ACKR2: variants seen among roughly 807,000 people sequenced by gnomAD.
ACKR2 encodes C-C chemokine receptor D6.
For missense variants in ACKR2, 457 were observed against 477.3 expected, an observed-to-expected ratio of 0.96 and a Z score of 0.40; for synonymous variants, 207 against 192.2, an observed-to-expected ratio of 1.08 and a Z score of -0.64.
At chr3:42,847,672 G>A (rs1701111945) in intron 2 of ACKR2, among the ~76,000 whole-genome samples, 1 of 151,370 alleles carries the variant, frequency 6.6e-6, no homozygotes, top group African/African-American at 2.4e-5. Flanking sequence ...AAACCAGGCT[G>A]TCAAGAGCTG....
intron 1 of ACKR2, among the ~76,000 whole-genome samples, chr3:42,810,434 G>C (rs6769061): frequency 1.3e-5 from 2 of 151,792 alleles, no homozygotes; most frequent in African/African-American, 4.9e-5. Context: ...CTCCTTTTTC[G>C]CCTTTTTTCC....
chr3:42,816,915 G>GA (rs562712299), intron 1 of ACKR2, among the ~76,000 whole-genome samples: 7 of 151,428 alleles, frequency 4.6e-5, no homozygotes, highest in African/African-American at 1.5e-4. Context: ...AAGTACTAAT[G>GA]AAAAAAAAAT....
intron 2 of ACKR2, among the ~76,000 whole-genome samples, chr3:42,840,259 CAAAAAA>C (rs34830187): frequency 2.3e-4 from 8 of 34,672 alleles, no homozygotes; most frequent in Non-Finnish European, 3.7e-4. Flanking sequence ...GACTCCGTCT[CAAAAAA>C]AAAAAAAAAA....
At chr3:42,831,609 C>T (rs1268875008) in intron 2 of ACKR2, among the ~76,000 whole-genome samples, 1 of 152,184 alleles carries the variant, frequency 6.6e-6, no homozygotes, top group Non-Finnish European at 1.5e-5. Flanking sequence ...AACATCTGTG[C>T]CATCCAGTAG....
At chr3:42,860,697 G>A (rs1349708430) in intron 2 of ACKR2, among the ~76,000 whole-genome samples, 1 of 152,194 alleles carries the variant, frequency 6.6e-6, no homozygotes, top group African/African-American at 2.4e-5. Flanking sequence ...TAGAGTTCAA[G>A]ATTAAGAAAC....
chr3:42,816,320 A>C (rs1700750184), intron 1 of ACKR2, among the ~76,000 whole-genome samples: 1 of 152,118 alleles, frequency 6.6e-6, no homozygotes, highest in Non-Finnish European at 1.5e-5. Flanking sequence ...AGCAAAGAAG[A>C]AGCTAGGAGC....
chr3:42,860,644 G>A (rs2088376052), intron 2 of ACKR2, among the ~76,000 whole-genome samples: 1 of 152,166 alleles, frequency 6.6e-6, no homozygotes, highest in South Asian at 2.1e-4. Context: ...CAAAAGAATG[G>A]AAATCATAAC....
Position 42,865,745 on chromosome 3 carries a change from C to T in ACKR2, c.*88C>T. The T allele has an allele frequency of 9.3e-7, 1 of 1,074,776 alleles. No individual in the cohort carries two copies. Among genetic ancestry groups the T allele is most frequent in the Non-Finnish European group, 1.3e-6 (1 of 743,914 alleles). The allele number at this position is 1,074,776 out of a possible 1,614,324, so 66.6% of individuals were successfully genotyped here. ...GTGCTCTCTCCAGGGGCCTCAGTGA[C>T]TGTGTTGCTAAACCCAGTGGTCAGT... On this transcript the variant is annotated 3_prime_UTR_variant, in exon 3 of 3. Transcript: ENST00000422265.
chr3:42,857,597 A>C (rs939485967), intron 2 of ACKR2, among the ~76,000 whole-genome samples: 10 of 152,298 alleles, frequency 6.6e-5, no homozygotes, highest in African/African-American at 2.2e-4. Context: ...TAAGAGGGAG[A>C]AAAGTTTAGT....
intron 2 of ACKR2, chr3:42,835,753 C>T: frequency 6.6e-6 from 1 of 152,350 alleles, no homozygotes; most frequent in Non-Finnish European, 1.5e-5. Flanking sequence ...TCCTTGGCTG[C>T]ATTAAAGATC....
chr3:42,811,017 C>CTT (rs1407422358), intron 1 of ACKR2, among the ~76,000 whole-genome samples: 1 of 152,138 alleles, frequency 6.6e-6, no homozygotes, highest in Non-Finnish European at 1.5e-5. Flanking sequence ...ACCCGGCTAA[C>CTT]TTTTGTATAT....
intron 2 of ACKR2, among the ~76,000 whole-genome samples, chr3:42,860,177 A>AG (rs2088368559): frequency 1.4e-5 from 2 of 141,980 alleles, no homozygotes; most frequent in African/African-American, 2.6e-5. Flanking sequence ...AAAAAAAAAA[A>AG]AAAAAAAAAA....
At chr3:42,824,708 A>G (rs546670136) in intron 2 of ACKR2, among the ~76,000 whole-genome samples, 1 of 152,332 alleles carries the variant, frequency 6.6e-6, no homozygotes, top group East Asian at 1.9e-4. Flanking sequence ...ATTTCACTGC[A>G]TGGATATACC....
chr3:42,846,964 G>C (rs545068984), intron 2 of ACKR2, among the ~76,000 whole-genome samples: 2 of 152,178 alleles, frequency 1.3e-5, no homozygotes, highest in African/African-American at 4.8e-5. Context: ...ATGAGCAAAA[G>C]AGCACCGGAG....
At chr3:42,857,952 G>A (rs2088341020) in intron 2 of ACKR2, among the ~76,000 whole-genome samples, 1 of 152,232 alleles carries the variant, frequency 6.6e-6, no homozygotes. Context: ...CAAAGCCACT[G>A]TAGCCAGACT....
At position 42,865,178 on chromosome 3, in the gene ACKR2, ATGAT is replaced by A. The variant is rs773498123; in HGVS notation, c.677_680del (p.Met226ThrfsTer12). On this transcript the variant is annotated frameshift_variant, in exon 3 of 3. Transcript: ENST00000422265. LOFTEE classifies it low-confidence loss of function (END_TRUNC). ...AGGGTTTCTCCTTCCACTCCTTGCC[ATGAT>A]CTTCTTCTACTCCCGTATTGGTTGT... The A allele has an allele frequency of 6.2e-7, 1 of 1,613,960 alleles. No individual in the cohort carries two copies. Among genetic ancestry groups the A allele is most frequent in the South Asian group, 1.1e-5 (1 of 91,068 alleles).
chr3:42,834,859 G>A (rs1021404521), intron 2 of ACKR2: 1 of 152,050 alleles, frequency 6.6e-6, no homozygotes, highest in Non-Finnish European at 1.5e-5. Context: ...TTACAGGCAT[G>A]AGCCACTGTG....
intron 2 of ACKR2, among the ~76,000 whole-genome samples, chr3:42,860,790 A>C (rs750646460): frequency 1.3e-5 from 2 of 152,228 alleles, no homozygotes; most frequent in African/African-American, 2.4e-5. Context: ...TGAAGGCAGA[A>C]ATAAATAAGC....
intron 2 of ACKR2, among the ~76,000 whole-genome samples, chr3:42,830,872 A>C (rs1185622454): frequency 6.6e-6 from 1 of 151,896 alleles, no homozygotes; most frequent in East Asian, 1.9e-4. Context: ...TCCGGTCTGC[A>C]TGAGGAAGGG....
Sources: gnomAD v4.1 joint callset for allele counts (sites outside exome capture counted in the v4.1 genomes callset) on GRCh38, gnomAD v4.1.1 for gene constraint, MANE v1.5 for transcripts, NCBI Gene and HGNC (gene_info 2026-07-23, HGNC 2026-07-21) for gene names.